SLC25A30: variants seen among roughly 807,000 people sequenced by gnomAD.
SLC25A30 encodes kidney mitochondrial carrier protein 1.
In SLC25A30, 29 loss-of-function variants were observed where a neutral mutation model predicts 42.7. The ratio of observed to expected loss-of-function variants is 0.68; its 90% CI spans 0.51 to 0.93. The LOEUF (loss-of-function observed/expected upper bound fraction) is 0.93, where lower values mean the gene tolerates loss of function less well. Among genes scored for constraint, SLC25A30 ranks in the 40% least tolerant of loss-of-function variants. The probability of loss-of-function intolerance (pLI) is 0.00; values close to 1 mark genes in which losing one functional copy is unlikely to be tolerated. For synonymous variants in SLC25A30, 124 were observed against 131.0 expected (o/e 0.95, Z 0.37); for missense variants, 300 against 359.7 (o/e 0.83, Z 1.34).
the SLC25A30 span, among the ~76,000 whole-genome samples, chr13:45,423,830 T>A: frequency 5.2e-5 from 4 of 76,344 alleles, no homozygotes; most frequent in South Asian, 4.5e-4. Flanking sequence ...AAATATATAT[T>A]TATATATATA....
At position 45,414,485 on chromosome 13, in the gene SLC25A30, C is replaced by A. The variant is rs372830783; in HGVS notation, c.-55-3005G>T. Among the ~76,000 whole-genome samples, 26 of 152,202 alleles carry A rather than the reference C, an allele frequency of 1.7e-4. 1 individual carries two copies. The South Asian group carries it at 2.9e-3, about 17-fold the overall frequency. ...TACAAAACTCAGCCAGGCATGGTGG[C>A]GGGTGCCTGTAATTCCAGCTACTCA... On this transcript the variant is annotated intron_variant, in intron 1 of 9. Coordinates refer to ENST00000519676, the MANE Select transcript of SLC25A30 (RefSeq NM_001010875.4).
the SLC25A30 span, among the ~76,000 whole-genome samples, chr13:45,424,827 A>AAT: frequency 3.6e-5 from 2 of 54,882 alleles, 1 homozygote; most frequent in Non-Finnish European, 6.1e-5. Flanking sequence ...AATATATAAA[A>AAT]ATATATATAT....
chr13:45,394,885 A>G lies in SLC25A30; in HGVS notation c.*1089T>C. On this transcript the variant is annotated 3_prime_UTR_variant, in exon 10 of 10. Transcript: ENST00000519676. ...GACAGGCACAACATAAACTAAAGTA[A>G]AAACTGGAAACCTGGAAAAATCAAC... 1.0e-6 allele frequency: 1 copy of G among 985,480 alleles called. No homozygotes were observed. The highest frequency in any genetic ancestry group is 1.2e-6 in the Non-Finnish European group (1 of 829,924). 61.0% of individuals were successfully genotyped at this position (985,480 alleles called of 1,614,324 possible). A position where few individuals can be genotyped will look rare whatever the true frequency, so the allele number is the denominator to read the frequency against.
the SLC25A30 span, among the ~76,000 whole-genome samples, chr13:45,423,521 T>C: frequency 2.7e-5 from 3 of 111,266 alleles, no homozygotes; most frequent in Non-Finnish European, 5.3e-5. Flanking sequence ...TATATATATA[T>C]ACAAATATAT....
the SLC25A30 span, among the ~76,000 whole-genome samples, chr13:45,433,032 C>A: frequency 1.6e-3 from 214 of 129,820 alleles, no homozygotes; most frequent in African/African-American, 2.1e-3. Context: ...GACTCTTTCT[C>A]AAAAAAAAAA....
the SLC25A30 span, among the ~76,000 whole-genome samples, chr13:45,428,517 C>CTTTTTTTTTTT: frequency 1.1e-5 from 1 of 92,550 alleles, no homozygotes; most frequent in African/African-American, 4.3e-5. Context: ...TTCTTTTTAA[C>CTTTTTTTTTTT]TTTTTTTTTT....
chr13:45,399,229 G>A (rs946818670), intron 7 of SLC25A30, 151 bp from the exon 8 acceptor site: 8 of 869,102 alleles, frequency 9.2e-6, no homozygotes, highest in African/African-American at 8.6e-5. Flanking sequence ...TTTTTGAGAC[G>A]AAGTCTTGCT....
the SLC25A30 span, among the ~76,000 whole-genome samples, chr13:45,423,748 A>C: frequency 1.3e-5 from 1 of 78,580 alleles, no homozygotes; most frequent in Non-Finnish European, 2.1e-5. Context: ...ATAAATATAT[A>C]AATATATATA....
chr13:45,424,106 A>T, the SLC25A30 span, among the ~76,000 whole-genome samples: 60 of 43,790 alleles, frequency 1.4e-3, no homozygotes, highest in South Asian at 0.012. Flanking sequence ...AATATATAAA[A>T]ATATATATAA....
Position 45,402,370 on chromosome 13 carries a change from T to A in SLC25A30, c.394A>T (p.Ile132Phe). 6.2e-7 allele frequency: 1 copy of A among 1,613,168 alleles called. No individual in the cohort carries two copies. Among genetic ancestry groups the A allele is most frequent in the Non-Finnish European group, 8.5e-7 (1 of 1,179,176 alleles). Reference sequence around the variant, plus strand: ...GTGTTGCTTTGCGCTTGCATCCGAATCTAGAGATTATTTTAAAGACCAACA... The same window carrying A: ...GTGTTGCTTTGCGCTTGCATCCGAAACTAGAGATTATTTTAAAGACCAACA... ...TIANPTDVLKIRMQAQSNTIQ... is the reference protein window; with the variant it reads ...TIANPTDVLKFRMQAQSNTIQ... The change falls in exon 6 of 10, where the codon ATT becomes TTT. Residue 132 changes from isoleucine to phenylalanine, a missense_variant and splice_region_variant. Coordinates refer to ENST00000519676, the MANE Select transcript of SLC25A30 (RefSeq NM_001010875.4).
At chr13:45,406,136 G>A (rs1398990258) in intron 3 of SLC25A30, among the ~76,000 whole-genome samples, 159 bp from the exon 4 acceptor site, 1 of 151,962 alleles carries the variant, frequency 6.6e-6, no homozygotes, top group East Asian at 1.9e-4. Context: ...AGGCTGGAGT[G>A]CAATGGCTTG....
At chr13:45,412,764 T>C (rs930383435) in intron 1 of SLC25A30, among the ~76,000 whole-genome samples, 1 of 152,214 alleles carries the variant, frequency 6.6e-6, no homozygotes, top group Non-Finnish European at 1.5e-5. Flanking sequence ...TGACATGTAC[T>C]TATGTGCCAC....
Position 45,394,277 on chromosome 13 carries a change from C to G in SLC25A30, c.*1697G>C, listed in dbSNP as rs1206087922. 1 of 523,324 alleles carries G rather than the reference C, an allele frequency of 1.9e-6. No individual in the cohort carries two copies. Among genetic ancestry groups the G allele is most frequent in the African/African-American group, 2.2e-5 (1 of 46,176 alleles). 32.4% of individuals were successfully genotyped at this position (523,324 alleles called of 1,614,324 possible). On this transcript the variant is annotated 3_prime_UTR_variant, in exon 10 of 10. Transcript: ENST00000519676. ...CCGCCCCCACCTTCTGTTATCCTCT[C>G]TTTTTGATGACTTTGTCTTAGCTCT...
chr13:45,414,936 G>T (rs1241516783), intron 1 of SLC25A30, among the ~76,000 whole-genome samples: 1 of 152,182 alleles, frequency 6.6e-6, no homozygotes, highest in Non-Finnish European at 1.5e-5. Flanking sequence ...AGAGATTAAT[G>T]TGTCCTTAGC....
the SLC25A30 span, among the ~76,000 whole-genome samples, chr13:45,428,517 CTTTTT>C: frequency 2.5e-3 from 233 of 92,558 alleles, 2 homozygotes; most frequent in African/African-American, 9.3e-3. Flanking sequence ...TTCTTTTTAA[CTTTTT>C]TTTTTTTTTT....
intron 4 of SLC25A30, 140 bp downstream of exon 4, chr13:45,405,743 A>G (rs752582820): frequency 1.0e-5 from 7 of 679,628 alleles, no homozygotes; most frequent in African/African-American, 1.8e-5. Context: ...CAGCACAATT[A>G]ACTAAGACTT....
intron 1 of SLC25A30, among the ~76,000 whole-genome samples, chr13:45,414,665 C>T (rs2137694731): frequency 6.6e-6 from 1 of 151,762 alleles, no homozygotes; most frequent in South Asian, 2.1e-4. Context: ...CACACACACA[C>T]ACACACGAAA....
Position 45,393,873 on chromosome 13 carries a change from T to C in SLC25A30, c.*2101A>G. ...CACCTTGGTAGGAACATGTATGTAA[T>C]TTGAATAAACTGGTAATAATACTGT... On this transcript the variant is annotated 3_prime_UTR_variant, in exon 10 of 10. Coordinates refer to ENST00000519676, the MANE Select transcript of SLC25A30 (RefSeq NM_001010875.4). The C allele has an allele frequency of 1.0e-6, 1 of 985,386 alleles. No individual in the cohort carries two copies. The allele number at this position is 985,386 out of a possible 1,614,324, so 61.0% of individuals were successfully genotyped here.
At chr13:45,411,621 T>A (rs1247148387) in intron 1 of SLC25A30, 141 bp from the exon 2 acceptor site, 2 of 581,274 alleles carry the variant, frequency 3.4e-6, no homozygotes, top group Non-Finnish European at 6.2e-6. Flanking sequence ...CTCCCCTTAA[T>A]AAAGCAAAGC....
Sources: allele counts gnomAD v4.1 joint callset (sites outside exome capture counted in the v4.1 genomes callset), GRCh38; gene constraint gnomAD v4.1.1; transcripts MANE v1.5; gene names NCBI Gene and HGNC (gene_info 2026-07-23, HGNC 2026-07-21).